The following NDNF variants were observed in gnomAD, a reference collection of about 807,000 sequenced individuals.
The protein encoded by NDNF is neuron derived neurotrophic factor, also known as protein NDNF.
A neutral mutation model predicts 42.0 loss-of-function variants in NDNF; 16 were observed. That is an observed-to-expected ratio of 0.38 (90% CI 0.26 to 0.58). The LOEUF (loss-of-function observed/expected upper bound fraction) is 0.58, where lower values mean the gene tolerates loss of function less well. Ranked by LOEUF, NDNF falls within the 20% of genes least tolerant of loss-of-function variation. The pLI, the probability that NDNF is intolerant of heterozygous loss-of-function variation, is 0.67. For synonymous variants in NDNF, 248 were observed against 251.7 expected (o/e 0.99, Z 0.14); for missense variants, 616 against 666.2 (o/e 0.92, Z 0.83).
chr4:121,036,290 C>T lies in NDNF; in HGVS notation c.1681G>A (p.Val561Ile), dbSNP rs1296061948. Reference sequence around the variant, plus strand: ...TAACAGAACTTTCTAGTTTTCACAACCTTACTCTGATACTTTACAGAGTGC... The same window carrying T: ...TAACAGAACTTTCTAGTTTTCACAATCTTACTCTGATACTTTACAGAGTGC... ...GGHSVKYQSK[V>I]VKTRKFC The change falls in exon 4 of 4, where the codon GTT (valine) becomes ATT (isoleucine). Residue 561 changes from valine to isoleucine, a missense_variant. Physicochemically the swap from Val to Ile is conservative, Grantham distance 29. Coordinates refer to ENST00000379692, the MANE Select transcript of NDNF (RefSeq NM_024574.4). 1 of 1,610,428 alleles carries T rather than the reference C, an allele frequency of 6.2e-7. No homozygotes were observed.
intron 1 of NDNF, 110 bp from the exon 2 acceptor site, chr4:121,045,948 C>A: frequency 1.0e-6 from 1 of 994,982 alleles, no homozygotes. Flanking sequence ...AATTTAGGGA[C>A]GCATCATGTA....
chr4:121,068,754 G>A (rs1727541274), intron 1 of NDNF, among the ~76,000 whole-genome samples: 3 of 151,918 alleles, frequency 2.0e-5, no homozygotes, highest in African/African-American at 2.4e-5. Context: ...GGTCACTATC[G>A]ACCACCTTAT....
At chr4:121,049,039 C>T (rs1360367898) in intron 1 of NDNF, among the ~76,000 whole-genome samples, 1 of 152,084 alleles carries the variant, frequency 6.6e-6, no homozygotes, top group African/African-American at 2.4e-5. Context: ...ACAGTAAATA[C>T]TATCTGATGT....
chr4:121,057,008 G>A (rs1727307417), intron 1 of NDNF, among the ~76,000 whole-genome samples: 1 of 152,218 alleles, frequency 6.6e-6, no homozygotes, highest in Non-Finnish European at 1.5e-5. Context: ...TGTGTACTAG[G>A]CACTGCCTGA....
At chr4:121,053,132 T>G (rs778014458) in intron 1 of NDNF, among the ~76,000 whole-genome samples, 2 of 152,216 alleles carry the variant, frequency 1.3e-5, no homozygotes, top group Non-Finnish European at 2.9e-5. Flanking sequence ...TAGAGTTCAT[T>G]ATGTCAATAA....
chr4:121,037,424 C>T lies in NDNF; in HGVS notation c.547G>A (p.Asp183Asn). Reference protein sequence around the residue: ...YPELPYDPRVDVTSLGRTTVT... With the variant: ...YPELPYDPRVNVTSLGRTTVT... ...GTGGTGCGCCCCAGTGAGGTCACAT[C>T]TACTCTTGGGTCATAGGGTAACTCA... The change falls in exon 4 of 4, where the codon GAT becomes AAT. Residue 183 changes from aspartate (D) to asparagine (N), a missense_variant. Physicochemically the swap from Asp to Asn is conservative, Grantham distance 23. Coordinates refer to ENST00000379692, the MANE Select transcript of NDNF (RefSeq NM_024574.4). 1 of 1,614,104 alleles carries T rather than the reference C, an allele frequency of 6.2e-7. No homozygotes were observed. Among genetic ancestry groups the T allele is most frequent in the Non-Finnish European group, 8.5e-7 (1 of 1,180,024 alleles).
chr4:121,036,365 G>A lies in NDNF; in HGVS notation c.1606C>T (p.Gln536Ter). Reference protein sequence around the residue: ...AVTTETIKGLQPGKSYLLDVY... With the variant: ...AVTTETIKGL ...TCCAGCAGGTAAGATTTGCCAGGCT[G>A]AAGACCTTTAATTGTTTCTGTGGTC... is the stretch of plus-strand genomic sequence containing the variant. The change falls in exon 4 of 4, where the codon CAG becomes TAG. Residue 536 changes from glutamine (Q) to a stop codon, truncating the protein, a stop_gained. Coordinates refer to ENST00000379692, the MANE Select transcript of NDNF (RefSeq NM_024574.4). LOFTEE classifies it high-confidence loss of function. 6.2e-7 allele frequency: 1 copy of A among 1,614,162 alleles called. No homozygotes were observed. Among genetic ancestry groups the A allele is most frequent in the East Asian group, 2.2e-5 (1 of 44,882 alleles).
intron 1 of NDNF, among the ~76,000 whole-genome samples, chr4:121,049,222 G>T (rs527957460): frequency 3.3e-5 from 5 of 152,326 alleles, no homozygotes; most frequent in Admixed American, 2.0e-4. Flanking sequence ...GTTTGCTTTT[G>T]CAAGTACTTG....
intron 1 of NDNF, among the ~76,000 whole-genome samples, chr4:121,070,617 A>G (rs1727575075): frequency 6.6e-6 from 1 of 152,194 alleles, no homozygotes; most frequent in Non-Finnish European, 1.5e-5. Flanking sequence ...TGGGGAAAGC[A>G]GCAACTAAAT....
intron 1 of NDNF, among the ~76,000 whole-genome samples, chr4:121,071,090 G>A (rs1463477883): frequency 4.6e-5 from 7 of 152,168 alleles, no homozygotes; most frequent in African/African-American, 1.7e-4. Context: ...GAAAACAGCT[G>A]GGACCTGCAA....
intron 1 of NDNF, among the ~76,000 whole-genome samples, chr4:121,049,247 G>A (rs1365270458): frequency 2.0e-5 from 3 of 152,220 alleles, no homozygotes; most frequent in Non-Finnish European, 2.9e-5. Context: ...CAGAAGTACT[G>A]ACTGCTTTTG....
intron 1 of NDNF, among the ~76,000 whole-genome samples, chr4:121,070,664 G>C (rs1487506902): frequency 6.6e-6 from 1 of 152,166 alleles, no homozygotes; most frequent in Non-Finnish European, 1.5e-5. Flanking sequence ...TAGCGGGATC[G>C]ACAGATGAGA....
chr4:121,063,576 G>A (rs1204056166), intron 1 of NDNF, among the ~76,000 whole-genome samples: 4 of 152,134 alleles, frequency 2.6e-5, no homozygotes, highest in Non-Finnish European at 1.5e-5. Flanking sequence ...GAGGGCTGAA[G>A]AGAGAAAATT....
intron 1 of NDNF, among the ~76,000 whole-genome samples, chr4:121,062,951 T>C (rs1282014283): frequency 6.6e-6 from 1 of 152,214 alleles, no homozygotes; most frequent in Non-Finnish European, 1.5e-5. Flanking sequence ...ATAAATACTT[T>C]CATTATCTGA....
At chr4:121,038,705 G>A (rs1363768947) in intron 3 of NDNF, among the ~76,000 whole-genome samples, 1 of 152,034 alleles carries the variant, frequency 6.6e-6, no homozygotes, top group Non-Finnish European at 1.5e-5. Context: ...ATCAAGATTT[G>A]GCCAGGTGCG....
Position 121,038,419 on chromosome 4 carries a change from G to T in NDNF, c.314-762C>A, listed in dbSNP as rs12504240. On this transcript the variant is annotated intron_variant, in intron 3 of 3. Coordinates refer to ENST00000379692, the MANE Select transcript of NDNF (RefSeq NM_024574.4). Reference sequence around the variant, plus strand: ...AACAAAACAAAACAAAATAAAAAAAGAATGCTTAAGGTTCAAAGTATAGAA... The same window carrying T: ...AACAAAACAAAACAAAATAAAAAAATAATGCTTAAGGTTCAAAGTATAGAA... Among the ~76,000 whole-genome samples the T allele has an allele frequency of 3.9e-3, 573 of 145,286 alleles. 8 individuals carry two copies. Among genetic ancestry groups the T allele is most frequent in the Admixed American group, 0.024 (360 of 14,952 alleles).
In NDNF at chr4:121,036,523, T is replaced by C; in HGVS notation, c.1448A>G (p.Lys483Arg). 1.2e-6 allele frequency: 2 copies of C among 1,614,212 alleles called. No individual in the cohort carries two copies. Among genetic ancestry groups the C allele is most frequent in the Non-Finnish European group, 1.7e-6 (2 of 1,180,032 alleles). Residue 483 changes from lysine (K) to arginine (R), a missense_variant, in exon 4 of 4, where the codon AAA becomes AGA. By Grantham distance (26) the Lys-to-Arg change is conservative (BLOSUM62 2). Transcript: ENST00000379692. The part of the protein sequence containing the change: ...QERNKFCIYK[K>R]EVDDNYNEDQ... Reference sequence around the variant, plus strand: ...TTCATTGTAGTTATCATCCACTTCTTTTTTGTAGATGCAAAACTTGTTCCT... The same window carrying C: ...TTCATTGTAGTTATCATCCACTTCTCTTTTGTAGATGCAAAACTTGTTCCT...
intron 1 of NDNF, among the ~76,000 whole-genome samples, chr4:121,070,715 T>C (rs2148774389): frequency 6.6e-6 from 1 of 152,308 alleles, no homozygotes; most frequent in Non-Finnish European, 1.5e-5. Flanking sequence ...AAAAGAACTC[T>C]GTAAATAAAT....
intron 1 of NDNF, among the ~76,000 whole-genome samples, chr4:121,053,699 T>A (rs888860953): frequency 4.6e-5 from 7 of 152,222 alleles, no homozygotes; most frequent in African/African-American, 1.7e-4. Context: ...AAATGTCCTC[T>A]ATATGTGAAA....
Sources: allele counts gnomAD v4.1 joint callset (sites outside exome capture counted in the v4.1 genomes callset), GRCh38; gene constraint gnomAD v4.1.1; transcripts MANE v1.5; gene names NCBI Gene and HGNC (gene_info 2026-07-23, HGNC 2026-07-21).